The following IGSF23 variants were observed in gnomAD, a reference collection of about 807,000 sequenced individuals.
IGSF23 encodes immunoglobulin superfamily, member 23.
IGSF23 carries 14 observed loss-of-function variants against 17.8 expected under a neutral mutation model. The ratio of observed to expected loss-of-function variants is 0.79; its 90% CI spans 0.52 to 1.23. The LOEUF is 1.23. Among genes scored for constraint, IGSF23 ranks in the 50% most tolerant of loss-of-function variants. IGSF23 has a pLI of 0.00. For missense variants in IGSF23, 214 were observed against 241.7 expected, an observed-to-expected ratio of 0.89 and a Z score of 0.76; for synonymous variants, 85 against 92.5, an observed-to-expected ratio of 0.92 and a Z score of 0.46.
At chr19:44,619,473 G>A (rs149622367) in intron 1 of IGSF23, among the ~76,000 whole-genome samples, 3 of 152,250 alleles carry the variant, frequency 2.0e-5, no homozygotes, top group East Asian at 1.9e-4. Flanking sequence ...TCTGAATTAG[G>A]AAAACAAAGC....
chr19:44,625,301 G>A (rs1166288297), intron 2 of IGSF23, among the ~76,000 whole-genome samples: 2 of 152,164 alleles, frequency 1.3e-5, no homozygotes, highest in Non-Finnish European at 2.9e-5. Context: ...GAACACTAAT[G>A]AGTGCTCAAT....
intron 3 of IGSF23, among the ~76,000 whole-genome samples, chr19:44,629,678 G>A (rs1415792030): frequency 7.6e-6 from 1 of 131,780 alleles, no homozygotes; most frequent in Non-Finnish European, 1.5e-5. Flanking sequence ...TCCATTGCCA[G>A]GCTGGAGTGC....
intron 2 of IGSF23, among the ~76,000 whole-genome samples, chr19:44,624,917 A>G (rs1972610979): frequency 6.6e-6 from 1 of 151,272 alleles, no homozygotes; most frequent in African/African-American, 2.4e-5. Context: ...AAAAAAAAAA[A>G]AAAAACTAAA....
At chr19:44,625,700 G>T (rs1972629904) in intron 2 of IGSF23, among the ~76,000 whole-genome samples, 1 of 152,160 alleles carries the variant, frequency 6.6e-6, no homozygotes. Flanking sequence ...TATTCATGGA[G>T]GGACACATGG....
chr19:44,618,981 T>TAAA (rs34199985), intron 1 of IGSF23, among the ~76,000 whole-genome samples: 3 of 145,110 alleles, frequency 2.1e-5, no homozygotes, highest in Admixed American at 6.9e-5. Flanking sequence ...GTTATTTATT[T>TAAA]AAAAAAAAAA....
In IGSF23 at chr19:44,624,290, C is replaced by CT. The variant is rs569873573; in HGVS notation, c.391+332dup. Among the ~76,000 whole-genome samples the CT allele has an allele frequency of 5.4e-3, 713 of 132,728 alleles. 6 individuals carry two copies. The highest frequency in any genetic ancestry group is 0.012 in the African/African-American group (439 of 35,132). The allele number at this position is 132,728 out of a possible 152,430, so 87.1% of individuals were successfully genotyped here. ...TCTCCTTCTTCTACTTCTTCTTCTTCTTTTTTTTTTTTTTGATAGAGTCTT... is the reference window on the plus strand; with the variant it reads ...TCTCCTTCTTCTACTTCTTCTTCTTCTTTTTTTTTTTTTTTGATAGAGTCTT... On this transcript the variant is annotated intron_variant, in intron 2 of 4. Coordinates refer to ENST00000402988, the MANE Select transcript of IGSF23 (RefSeq NM_001205280.2).
chr19:44,628,233 G>A (rs1482591274), intron 3 of IGSF23, among the ~76,000 whole-genome samples: 4 of 152,118 alleles, frequency 2.6e-5, no homozygotes, highest in Non-Finnish European at 5.9e-5. Flanking sequence ...ATGAGCCACT[G>A]CACCCGTCCA....
chr19:44,621,743 C>A (rs1972526436), intron 1 of IGSF23, among the ~76,000 whole-genome samples: 1 of 152,192 alleles, frequency 6.6e-6, no homozygotes, highest in Non-Finnish European at 1.5e-5. Flanking sequence ...TATCCCACAA[C>A]TAACCAAAAG....
At chr19:44,635,787 T>C (rs948542502) in intron 4 of IGSF23, among the ~76,000 whole-genome samples, 6 of 152,232 alleles carry the variant, frequency 3.9e-5, no homozygotes, top group African/African-American at 1.2e-4. Context: ...TAAGGACCTA[T>C]GAAATTTTTC....
intron 2 of IGSF23, among the ~76,000 whole-genome samples, chr19:44,624,709 T>C (rs922683465): frequency 1.3e-5 from 2 of 151,978 alleles, no homozygotes; most frequent in Admixed American, 6.6e-5. Flanking sequence ...TACATGAACA[T>C]GGGAAGCCTC....
At chr19:44,630,834 G>C (rs1972749767) in intron 3 of IGSF23, among the ~76,000 whole-genome samples, 1 of 152,230 alleles carries the variant, frequency 6.6e-6, no homozygotes, top group South Asian at 2.1e-4. Context: ...GGCCAGGAGA[G>C]ATCCCCATTG....
At position 44,632,159 on chromosome 19, in the gene IGSF23, G is replaced by A. The variant is rs10401218; in HGVS notation, c.546-3242G>A. ...TGTTACAGATAGGTTTTTGAGGGCA[G>A]TATGCCTCAATTATAGGAGGAGATT... On this transcript the variant is annotated intron_variant, in intron 3 of 4. Transcript: ENST00000402988. 3.8e-3 allele frequency: 1,334 copies of A among 346,832 alleles called. 21 individuals carry two copies. Among genetic ancestry groups the A allele is most frequent in the African/African-American group, 0.027 (1,221 of 45,096 alleles). 21.5% of individuals were successfully genotyped at this position (346,832 alleles called of 1,614,324 possible).
At chr19:44,621,324 C>T (rs1010597540) in intron 1 of IGSF23, among the ~76,000 whole-genome samples, 1 of 145,646 alleles carries the variant, frequency 6.9e-6, no homozygotes, top group Non-Finnish European at 1.5e-5. Context: ...TTTCAAAGGA[C>T]TTGACTTCTT....
intron 3 of IGSF23, among the ~76,000 whole-genome samples, chr19:44,628,626 C>G (rs62119264): frequency 0.064 from 9,690 of 152,072 alleles, 381 homozygotes; most frequent in South Asian, 0.17. Context: ...GTGGCATGCA[C>G]TTATAGTCCC....
rs146463537 is a variant in IGSF23, at chr19:44,613,637, G to T, written c.-9G>T. 1 of 1,543,110 alleles carries T rather than the reference G, an allele frequency of 6.5e-7. No homozygotes were observed. The highest frequency in any genetic ancestry group is 1.2e-5 in the South Asian group (1 of 83,482). The stretch of plus-strand genomic sequence containing the variant: ...CTCCATCTCCCGGCGGGGATTGTAC[G>T]GTGAGAGAATGAGAGCAAAACCTCA... On this transcript the variant is annotated 5_prime_UTR_variant, in exon 1 of 5. Transcript: ENST00000402988.
At chr19:44,624,899 CAAA>C (rs71171273) in intron 2 of IGSF23, among the ~76,000 whole-genome samples, 7 of 87,742 alleles carry the variant, frequency 8.0e-5, no homozygotes, top group African/African-American at 2.8e-4. Context: ...CTGTCTCTAC[CAAA>C]AAAAAAAAAA....
At chr19:44,615,381 T>C (rs1233855125) in intron 1 of IGSF23, among the ~76,000 whole-genome samples, 2 of 151,998 alleles carry the variant, frequency 1.3e-5, no homozygotes, top group Admixed American at 1.3e-4. Context: ...CCCAGCACTT[T>C]GGGAGGCCAA....
At position 44,631,317 on chromosome 19, in the gene IGSF23, G is replaced by C. The variant is rs1972761696; in HGVS notation, c.545+3744G>C. The stretch of plus-strand genomic sequence containing the variant: ...AAAAATTAAAAACAGGCTGGGCACA[G>C]TGGCTCATGCCTGTAATCCCAGCAC... On this transcript the variant is annotated intron_variant, in intron 3 of 4. Coordinates refer to ENST00000402988, the MANE Select transcript of IGSF23 (RefSeq NM_001205280.2). Among the ~76,000 whole-genome samples, 3 of 152,242 alleles carry C rather than the reference G, an allele frequency of 2.0e-5. No individual in the cohort carries two copies. In the South Asian group the frequency reaches 6.2e-4, roughly 32 times the overall value.
chr19:44,630,405 C>T (rs1396805283), intron 3 of IGSF23, among the ~76,000 whole-genome samples: 2 of 152,192 alleles, frequency 1.3e-5, no homozygotes, highest in Non-Finnish European at 2.9e-5. Context: ...GTAGAGCTAA[C>T]GCTCAGAAAA....
Sources: gnomAD v4.1 joint callset for allele counts (sites outside exome capture counted in the v4.1 genomes callset) on GRCh38, gnomAD v4.1.1 for gene constraint, MANE v1.5 for transcripts, NCBI Gene and HGNC (gene_info 2026-07-23, HGNC 2026-07-21) for gene names.